The following SWAP70 variants were observed in gnomAD, a reference collection of about 807,000 sequenced individuals.
The protein encoded by SWAP70 is switching B cell complex subunit SWAP70, also known as switch-associated protein 70.
Under a neutral mutation model 80.2 loss-of-function variants are expected in SWAP70, and 34 were observed. The observed-to-expected ratio is 0.42, with a 90% CI of 0.32 to 0.56. SWAP70 has a LOEUF of 0.56. Ranked by LOEUF, SWAP70 falls within the 20% of genes least tolerant of loss-of-function variation. The probability of loss-of-function intolerance (pLI) is 0.09; values close to 1 mark genes in which losing one functional copy is unlikely to be tolerated. For missense variants in SWAP70, 578 were observed against 690.7 expected (o/e 0.84, Z 1.83); for synonymous variants, 239 against 238.5 (o/e 1.00, Z -0.02).
intron 9 of SWAP70, 114 bp downstream of exon 9, chr11:9,740,461 A>G: frequency 9.1e-7 from 1 of 1,101,888 alleles, no homozygotes; most frequent in South Asian, 1.3e-5. Flanking sequence ...TCTGGCTGTG[A>G]CTGAGCTCGA....
At chr11:9,670,498 A>C (rs1590004925) in intron 1 of SWAP70, among the ~76,000 whole-genome samples, 1 of 151,702 alleles carries the variant, frequency 6.6e-6, no homozygotes, top group Non-Finnish European at 1.5e-5. Context: ...GTTCAGCTGG[A>C]GATGATATTC....
intron 1 of SWAP70, among the ~76,000 whole-genome samples, chr11:9,669,396 A>C (rs1332638550): frequency 3.9e-5 from 6 of 152,040 alleles, no homozygotes; most frequent in Non-Finnish European, 8.8e-5. Flanking sequence ...TGTCTCGCTA[A>C]TTTTTGTATT....
intron 1 of SWAP70, among the ~76,000 whole-genome samples, chr11:9,681,970 T>G (rs1444167969): frequency 2.6e-5 from 4 of 152,156 alleles, no homozygotes; most frequent in Non-Finnish European, 5.9e-5. Context: ...CCATTACTTG[T>G]GTGGTAATGG....
At chr11:9,709,613 G>A (rs1017232596) in intron 2 of SWAP70, among the ~76,000 whole-genome samples, 100 of 152,076 alleles carry the variant, frequency 6.6e-4, no homozygotes, top group African/African-American at 2.2e-3. Context: ...TCAGCCTCCC[G>A]GGCAGCTAGG....
chr11:9,725,557 ATATATATATATATT>A (rs1851206420), intron 4 of SWAP70, among the ~76,000 whole-genome samples: 1 of 10,298 alleles, frequency 9.7e-5, no homozygotes, highest in African/African-American at 3.2e-4. Context: ...ATATATATAT[ATATATATATATATT>A]TTTTTTTTTT....
At chr11:9,746,193 C>T (rs891601526) in intron 9 of SWAP70, among the ~76,000 whole-genome samples, 10 of 152,178 alleles carry the variant, frequency 6.6e-5, no homozygotes, top group African/African-American at 2.4e-4. Flanking sequence ...TCCACCATAC[C>T]CTAGCTGCCA....
At chr11:9,682,917 T>TC (rs1461826579) in intron 1 of SWAP70, among the ~76,000 whole-genome samples, 2 of 152,326 alleles carry the variant, frequency 1.3e-5, no homozygotes, top group South Asian at 2.1e-4. Context: ...CCTGAAGTGA[T>TC]CACCTGCCTT....
chr11:9,747,736 G>A, intron 9 of SWAP70, 122 bp from the exon 10 acceptor site: 5 of 916,050 alleles, frequency 5.5e-6, no homozygotes, highest in Non-Finnish European at 8.8e-6. Flanking sequence ...TTTCCTCCTG[G>A]TGGAATGAAA....
chr11:9,745,692 A>C (rs181238843), intron 9 of SWAP70, among the ~76,000 whole-genome samples: 1 of 152,326 alleles, frequency 6.6e-6, no homozygotes, highest in African/African-American at 2.4e-5. Flanking sequence ...TATGTGCATT[A>C]TCGCATTTAA....
intron 2 of SWAP70, among the ~76,000 whole-genome samples, chr11:9,706,769 G>A (rs926248782): frequency 9.9e-5 from 15 of 151,938 alleles, no homozygotes; most frequent in African/African-American, 3.6e-4. Context: ...TTCGTGTTGT[G>A]TACCTTCATG....
chr11:9,752,885 TA>T lies in SWAP70; in HGVS notation c.*2920del, dbSNP rs1307139820. ...TTTTGCTAATTTTTCTAAGATACAT[TA>T]AAAATGTTTTATATTTTTTTTTAAG... is the stretch of plus-strand genomic sequence containing the variant. On this transcript the variant is annotated 3_prime_UTR_variant, in exon 12 of 12. Transcript: ENST00000318950. 2 of 152,340 alleles carry T rather than the reference TA, an allele frequency of 1.3e-5. No homozygotes were observed. Among genetic ancestry groups the T allele is most frequent in the African/African-American group, 4.8e-5 (2 of 41,586 alleles). The allele number at this position is 152,340 out of a possible 1,614,324, so 9.4% of individuals were successfully genotyped here.
chr11:9,731,469 C>G (rs560776300), intron 6 of SWAP70, among the ~76,000 whole-genome samples: 45 of 152,294 alleles, frequency 3.0e-4, no homozygotes, highest in African/African-American at 1.1e-3. Context: ...CAGATATACT[C>G]ACACATTTTT....
At chr11:9,675,127 A>G (rs1360790148) in intron 1 of SWAP70, among the ~76,000 whole-genome samples, 2 of 152,056 alleles carry the variant, frequency 1.3e-5, no homozygotes, top group Non-Finnish European at 1.5e-5. Flanking sequence ...GTAAGACAAG[A>G]AATTTAAAAA....
At chr11:9,680,561 G>T (rs1247718274) in intron 1 of SWAP70, among the ~76,000 whole-genome samples, 5 of 152,084 alleles carry the variant, frequency 3.3e-5, no homozygotes, top group African/African-American at 7.2e-5. Flanking sequence ...TATTACAGGT[G>T]CCCGCTACCA....
chr11:9,720,743 T>C (rs1851123898), intron 3 of SWAP70, among the ~76,000 whole-genome samples: 1 of 152,226 alleles, frequency 6.6e-6, no homozygotes, highest in Non-Finnish European at 1.5e-5. Flanking sequence ...CTGCTTATTG[T>C]ACCTTGAGCA....
At position 9,749,962 on chromosome 11, in the gene SWAP70, A is replaced by G; in HGVS notation, c.1750A>G (p.Thr584Ala). 1 of 1,611,928 alleles carries G rather than the reference A, an allele frequency of 6.2e-7. No individual in the cohort carries two copies. The highest frequency in any genetic ancestry group is 8.5e-7 in the Non-Finnish European group (1 of 1,178,096). Residue 584 changes from threonine (T) to alanine (A), a missense_variant, in exon 12 of 12, where the codon ACG (threonine) becomes GCG (alanine). By Grantham distance (58) the Thr-to-Ala change is moderately conservative. Coordinates refer to ENST00000318950, the MANE Select transcript of SWAP70 (RefSeq NM_015055.4). Reference protein sequence around the residue: ...REKNWKEKKTTE With the variant: ...REKNWKEKKTAE ...GAAGAACTGGAAAGAGAAAAAGACC[A>G]CGGAGTGACTGAGCTTGCTGGCAGT...
chr11:9,686,402 CAGAG>C (rs1446409224), intron 1 of SWAP70, among the ~76,000 whole-genome samples: 1 of 132,600 alleles, frequency 7.5e-6, no homozygotes, highest in Non-Finnish European at 1.7e-5. Flanking sequence ...GCTCAGTTGC[CAGAG>C]CTGGAGTACA....
At chr11:9,694,021 C>T in intron 1 of SWAP70, 125 bp from the exon 2 acceptor site, 2 of 1,233,632 alleles carry the variant, frequency 1.6e-6, no homozygotes, top group Non-Finnish European at 2.2e-6. Context: ...AGTCCTCACC[C>T]TGTTTTTGCT....
intron 1 of SWAP70, chr11:9,680,777 C>CT (rs1005413730): frequency 2.0e-5 from 3 of 152,082 alleles, no homozygotes; most frequent in African/African-American, 7.2e-5. Context: ...TTCCCTTTTA[C>CT]TTTTTTTAAA....
Sources: allele counts gnomAD v4.1 joint callset (sites outside exome capture counted in the v4.1 genomes callset), GRCh38; gene constraint gnomAD v4.1.1; transcripts MANE v1.5; gene names NCBI Gene and HGNC (gene_info 2026-07-23, HGNC 2026-07-21).